Variants in ASIC2 observed in about 807,000 individuals in gnomAD.
The protein encoded by ASIC2 is acid-sensing ion channel 2.
In ASIC2, 25 loss-of-function variants were observed where a neutral mutation model predicts 57.3. That is an observed-to-expected ratio of 0.44 (90% CI 0.32 to 0.61). ASIC2 has a LOEUF of 0.61. Among genes scored for constraint, ASIC2 ranks in the 20% least tolerant of loss-of-function variants. The probability of loss-of-function intolerance (pLI) is 0.06; values close to 1 mark genes in which losing one functional copy is unlikely to be tolerated. For synonymous variants in ASIC2, 319 were observed against 307.5 expected (o/e 1.04, Z -0.39); for missense variants, 641 against 738.1 (o/e 0.87, Z 1.52).
At chr17:33,653,959 T>C (rs1481022974) in intron 1 of ASIC2, among the ~76,000 whole-genome samples, 1 of 152,218 alleles carries the variant, frequency 6.6e-6, no homozygotes, top group Non-Finnish European at 1.5e-5. Context: ...ATTATATTCT[T>C]TTTGCAGATG....
In ASIC2 at chr17:33,990,265, A is replaced by G. The variant is rs189175866; in HGVS notation, c.555+165713T>C. 2.4e-3 allele frequency among the ~76,000 whole-genome samples: 361 copies of G among 152,240 alleles called. 1 individual carries two copies. The highest frequency in any genetic ancestry group is 8.4e-3 in the African/African-American group (351 of 41,552). On this transcript the variant is annotated intron_variant, in intron 1 of 9. Coordinates refer to the ASIC2 transcript ENST00000359872. The stretch of plus-strand genomic sequence containing the variant: ...GACCTCTGTGTGCCTCCATTTCCTC[A>G]CCTGCTAAAAGGGAAAACAGATACA...
chr17:33,555,347 A>G (rs1477326216), intron 1 of ASIC2, among the ~76,000 whole-genome samples: 1 of 152,228 alleles, frequency 6.6e-6, no homozygotes, highest in Admixed American at 6.5e-5. Flanking sequence ...TCCTATTAAC[A>G]GCTGACACCA....
At chr17:33,043,209 GC>G (rs2091936878) in intron 3 of ASIC2, among the ~76,000 whole-genome samples, 1 of 152,208 alleles carries the variant, frequency 6.6e-6, no homozygotes, top group Non-Finnish European at 1.5e-5. Context: ...ACAGGCGTGA[GC>G]CACCACACTC....
At position 34,110,476 on chromosome 17, in the gene ASIC2, T is replaced by C. The variant is rs12951478; in HGVS notation, c.555+45502A>G. Among the ~76,000 whole-genome samples the C allele has an allele frequency of 6.2e-3, 951 of 152,304 alleles. 15 individuals carry two copies. The highest frequency in any genetic ancestry group is 0.022 in the African/African-American group (913 of 41,560). ...GCTGCCTCAGGATTGATCATTAGCCTGGGATTAGCAGCTGTGCCAGCAGCA... is the reference window on the plus strand; with the variant it reads ...GCTGCCTCAGGATTGATCATTAGCCCGGGATTAGCAGCTGTGCCAGCAGCA... On this transcript the variant is annotated intron_variant, in intron 1 of 9. Transcript: ENST00000359872.
At chr17:33,038,541 C>T (rs576252080) in intron 3 of ASIC2, among the ~76,000 whole-genome samples, 3 of 152,242 alleles carry the variant, frequency 2.0e-5, no homozygotes, top group African/African-American at 7.2e-5. Context: ...GAGAGACACC[C>T]AGGATTGAGA....
At chr17:33,735,267 T>G (rs1302518739) in intron 1 of ASIC2, among the ~76,000 whole-genome samples, 1 of 152,202 alleles carries the variant, frequency 6.6e-6, no homozygotes, top group African/African-American at 2.4e-5. Context: ...GTTTGTTCCC[T>G]GCTCTAGTCC....
At chr17:34,151,122 A>AT (rs1374561602) in intron 1 of ASIC2, among the ~76,000 whole-genome samples, 209 of 125,738 alleles carry the variant, frequency 1.7e-3, no homozygotes, top group East Asian at 0.013. Flanking sequence ...AAAAAAAAAA[A>AT]AAATAAAGAG....
intron 3 of ASIC2, among the ~76,000 whole-genome samples, chr17:33,074,530 T>C (rs2092081817): frequency 6.6e-6 from 1 of 152,170 alleles, no homozygotes; most frequent in African/African-American, 2.4e-5. Flanking sequence ...AGAAGGCCTT[T>C]GGGTTCCATG....
chr17:33,799,427 C>CTTTCTTCTTTCTTTCT (rs11439080), intron 1 of ASIC2, among the ~76,000 whole-genome samples: 26 of 84,096 alleles, frequency 3.1e-4, no homozygotes, highest in East Asian at 1.4e-3. Flanking sequence ...TTCTTTCTTT[C>CTTTCTTCTTTCTTTCT]TTCTTTCTTT....
At chr17:33,221,502 G>T (rs966573096) in intron 1 of ASIC2, among the ~76,000 whole-genome samples, 1 of 152,152 alleles carries the variant, frequency 6.6e-6, no homozygotes, top group Admixed American at 6.5e-5. Flanking sequence ...TCTAACTGAT[G>T]AGAGTTTGTG....
intron 1 of ASIC2, among the ~76,000 whole-genome samples, chr17:33,931,974 T>C (rs1365608501): frequency 1.3e-5 from 2 of 152,240 alleles, no homozygotes; most frequent in Non-Finnish European, 2.9e-5. Flanking sequence ...AGAGCCATGC[T>C]GGGTCTGTCG....
At chr17:33,351,072 T>C (rs1321589030) in intron 1 of ASIC2, among the ~76,000 whole-genome samples, 2 of 152,238 alleles carry the variant, frequency 1.3e-5, no homozygotes, top group Non-Finnish European at 2.9e-5. Flanking sequence ...TAGCCTTTGG[T>C]GTCAGAAAGC....
chr17:33,412,281 G>A (rs913337240), intron 1 of ASIC2, among the ~76,000 whole-genome samples: 6 of 152,186 alleles, frequency 3.9e-5, no homozygotes, highest in Non-Finnish European at 8.8e-5. Context: ...ACCAACCCAC[G>A]TGGTTCTTAG....
intron 1 of ASIC2, among the ~76,000 whole-genome samples, chr17:33,578,634 T>C (rs757105266): frequency 1.3e-5 from 2 of 152,178 alleles, no homozygotes; most frequent in African/African-American, 4.8e-5. Flanking sequence ...TCAGTCACTA[T>C]GTCATTAGAC....
intron 1 of ASIC2, among the ~76,000 whole-genome samples, chr17:33,823,806 C>T (rs1912822799): frequency 6.6e-6 from 1 of 152,172 alleles, no homozygotes; most frequent in Non-Finnish European, 1.5e-5. Flanking sequence ...TGGCTTTTAT[C>T]ACTACCTCTA....
intron 1 of ASIC2, among the ~76,000 whole-genome samples, chr17:33,978,591 C>G (rs565657433): frequency 6.6e-6 from 1 of 152,288 alleles, no homozygotes; most frequent in East Asian, 1.9e-4. Context: ...TGGGGTGGGT[C>G]TGCAGGGCAA....
intron 1 of ASIC2, among the ~76,000 whole-genome samples, chr17:33,666,754 G>T (rs1311939500): frequency 6.6e-6 from 1 of 152,152 alleles, no homozygotes; most frequent in African/African-American, 2.4e-5. Context: ...CTCTGCACTG[G>T]CCTGGAATGG....
At chr17:33,260,869 C>T (rs149267772) in intron 1 of ASIC2, among the ~76,000 whole-genome samples, 307 of 152,260 alleles carry the variant, frequency 2.0e-3, no homozygotes, top group Non-Finnish European at 3.8e-3. Context: ...GCCGACCAAA[C>T]GCTGGCCTCC....
At chr17:33,693,581 G>A (rs1440468685) in intron 1 of ASIC2, among the ~76,000 whole-genome samples, 1 of 152,186 alleles carries the variant, frequency 6.6e-6, no homozygotes, top group African/African-American at 2.4e-5. Context: ...GTACCAGAAG[G>A]ATCTGGGTAG....
Sources: gnomAD v4.1 joint callset for allele counts (sites outside exome capture counted in the v4.1 genomes callset) on GRCh38, gnomAD v4.1.1 for gene constraint, MANE v1.5 for transcripts, NCBI Gene and HGNC (gene_info 2026-07-23, HGNC 2026-07-21) for gene names.